Variants in VWA5B1 observed in about 807,000 individuals in gnomAD.
VWA5B1 encodes von Willebrand factor A domain containing 5B1.
VWA5B1 carries 115 observed loss-of-function variants against 118.2 expected under a neutral mutation model. That is an observed-to-expected ratio of 0.97 (90% CI 0.84 to 1.14). The LOEUF is 1.14. Among genes scored for constraint, VWA5B1 ranks in the 50% most tolerant of loss-of-function variants. VWA5B1 has a pLI of 0.00. For synonymous variants in VWA5B1, 682 were observed against 658.4 expected, an observed-to-expected ratio of 1.04 and a Z score of -0.55; for missense variants, 1,596 against 1,603.8, an observed-to-expected ratio of 1.00 and a Z score of 0.08.
rs374894558 is a variant in VWA5B1 at position 20,323,365 on chromosome 1, A to G, written c.976A>G (p.Ile326Val). Residue 326 changes from isoleucine to valine, a missense_variant, in exon 8 of 22, where the codon ATT becomes GTT. Physicochemically the swap from Ile to Val is conservative, Grantham distance 29 (BLOSUM62 3). Transcript: ENST00000289815. ...TTCTTTCCTCTTCCAGACAGAAATC[A>G]TTCGAAAACGCCTCCACAAAGACAT... ...KSRAERKTEI[I>V]RKRLHKDIPH... 1.3e-5 allele frequency: 19 copies of G among 1,481,104 alleles called. No individual in the cohort carries two copies. In the African/African-American group the frequency reaches 2.6e-4, roughly 20 times the overall value. The allele number at this position is 1,481,104 out of a possible 1,614,324, so 91.7% of individuals were successfully genotyped here.
chr1:20,297,996 A>ATTTT (rs60497976), intron 1 of VWA5B1, among the ~76,000 whole-genome samples: 9,845 of 124,484 alleles, frequency 0.079, 569 homozygotes, highest in East Asian at 0.34. Flanking sequence ...TCGGTGGTGG[A>ATTTT]TTTTTTTTTT....
chr1:20,335,081 G>A (rs2089674263), intron 12 of VWA5B1, among the ~76,000 whole-genome samples: 1 of 152,180 alleles, frequency 6.6e-6, no homozygotes, highest in Non-Finnish European at 1.5e-5. Context: ...GGCCAAGGTA[G>A]GTGCCTGGCT....
chr1:20,312,838 C>G lies in VWA5B1; in HGVS notation c.142C>G (p.Leu48Val). The G allele has an allele frequency of 1.9e-6, 3 of 1,548,694 alleles. No individual in the cohort carries two copies. The highest frequency in any genetic ancestry group is 1.4e-5 in the African/African-American group (1 of 73,124). The change falls in exon 3 of 22, where the codon CTC becomes GTC. Residue 48 changes from leucine to valine, a missense_variant and splice_region_variant. Physicochemically the swap from Leu to Val is conservative, Grantham distance 32. Transcript: ENST00000289815. ...GNLEAQPFQG[L>V]FVYPLDECTT... is the part of the protein sequence containing the mutation. ...GATGCTGGGCCCTGCTCCGACAGGC[C>G]TCTTCGTGTACCCCCTGGATGAGTG...
intron 18 of VWA5B1, chr1:20,349,264 G>A (rs1258128062): frequency 4.9e-6 from 2 of 405,746 alleles, no homozygotes; most frequent in Non-Finnish European, 1.0e-5. Flanking sequence ...CCACCCCTGA[G>A]CCAAGCTGAA....
At chr1:20,312,205 C>A (rs1235949986) in intron 2 of VWA5B1, among the ~76,000 whole-genome samples, 3 of 152,230 alleles carry the variant, frequency 2.0e-5, no homozygotes, top group Non-Finnish European at 4.4e-5. Flanking sequence ...GCTACTGAAT[C>A]TGAGTCTGCA....
At chr1:20,297,996 AT>A (rs60497976) in intron 1 of VWA5B1, among the ~76,000 whole-genome samples, 10,873 of 126,606 alleles carry the variant, frequency 0.086, 399 homozygotes, top group Middle Eastern at 0.11. Flanking sequence ...TCGGTGGTGG[AT>A]TTTTTTTTTT....
chr1:20,318,596 A>C lies in VWA5B1; in HGVS notation c.716A>C (p.Glu239Ala). Residue 239 changes from glutamate (E) to alanine (A), a missense_variant, in exon 6 of 22, where the codon GAG (glutamate) becomes GCG (alanine). Glu to Ala is a moderately radical substitution (Grantham distance 107, BLOSUM62 -1). Transcript: ENST00000289815. The stretch of plus-strand genomic sequence containing the variant: ...GCCTTTCTATGCCACTCAGGGGTGG[A>C]GAGTCCCACTCATGAGATTCGTGCC... Reference protein sequence around the residue: ...IRGPCLLAGVESPTHEIRADA... With the variant: ...IRGPCLLAGVASPTHEIRADA... The C allele has an allele frequency of 6.4e-7, 1 of 1,551,348 alleles. No individual in the cohort carries two copies. The highest frequency in any genetic ancestry group is 8.7e-7 in the Non-Finnish European group (1 of 1,146,942).
chr1:20,327,281 G>A (rs973397681), intron 8 of VWA5B1, among the ~76,000 whole-genome samples: 9 of 152,158 alleles, frequency 5.9e-5, no homozygotes, highest in South Asian at 2.1e-4. Flanking sequence ...GGATAAAAGC[G>A]TACCTGCCTC....
At chr1:20,350,362 GA>G in intron 19 of VWA5B1, 132 bp downstream of exon 19, 1 of 1,006,352 alleles carries the variant, frequency 9.9e-7, no homozygotes, top group Non-Finnish European at 1.5e-6. Context: ...TCTGCATGGG[GA>G]ATAGGATTAT....
chr1:20,322,054 AGAGACAGTCCTC>A (rs2089235076), intron 7 of VWA5B1, among the ~76,000 whole-genome samples: 1 of 152,212 alleles, frequency 6.6e-6, no homozygotes, highest in Admixed American at 6.5e-5. Flanking sequence ...GTCGAGAGAG[AGAGACAGTCCTC>A]TCCTGAACAC....
intron 9 of VWA5B1, among the ~76,000 whole-genome samples, chr1:20,329,262 CTTT>C (rs139538562): frequency 6.0e-5 from 6 of 99,738 alleles, no homozygotes; most frequent in Non-Finnish European, 1.3e-4. Flanking sequence ...GCCATTACTG[CTTT>C]TTTTTTTCTT....
chr1:20,353,295 CCT>C (rs1453155633), intron 21 of VWA5B1, among the ~76,000 whole-genome samples: 1 of 152,042 alleles, frequency 6.6e-6, no homozygotes, highest in Non-Finnish European at 1.5e-5. Context: ...GTGATCTATG[CCT>C]CTTAGAGATC....
chr1:20,316,479 TA>T (rs1479321838), intron 4 of VWA5B1, among the ~76,000 whole-genome samples: 2 of 152,256 alleles, frequency 1.3e-5, no homozygotes, highest in East Asian at 3.9e-4. Flanking sequence ...GGGAGACTCA[TA>T]ATATAAGGCA....
At chr1:20,307,815 T>A (rs2088705825) in intron 1 of VWA5B1, among the ~76,000 whole-genome samples, 1 of 152,084 alleles carries the variant, frequency 6.6e-6, no homozygotes, top group African/African-American at 2.4e-5. Flanking sequence ...ACATTCTTTT[T>A]TTTTTTTTTG....
Position 20,357,251 on chromosome 1 carries a change from G to A in VWA5B1, c.*2988G>A, listed in dbSNP as rs551822561. Among the ~76,000 whole-genome samples, 42 of 152,276 alleles carry A rather than the reference G, an allele frequency of 2.8e-4. 2 individuals are homozygous for A. Among genetic ancestry groups the A allele is most frequent in the Admixed American group, 2.5e-3 (38 of 15,298 alleles). On this transcript the variant is annotated 3_prime_UTR_variant, in exon 22 of 22. Coordinates refer to ENST00000289815, the MANE Select transcript of VWA5B1 (RefSeq NM_001039500.3). ...CTGTGTGACTTCTGGCAAATTACTT[G>A]CTTTCTCTGAACCCCTGTTTCATCT...
intron 20 of VWA5B1, 64 bp from the exon 21 acceptor site, chr1:20,351,991 C>T (rs1004635754): frequency 7.5e-7 from 1 of 1,327,014 alleles, no homozygotes; most frequent in South Asian, 1.3e-5. Flanking sequence ...CCCTGACTTT[C>T]AGGGGCTTCT....
Position 20,356,394 on chromosome 1 carries a change from G to C in VWA5B1, c.*2131G>C, listed in dbSNP as rs1054692882. 5.3e-5 allele frequency among the ~76,000 whole-genome samples: 8 copies of C among 152,166 alleles called. No individual in the cohort carries two copies. The highest frequency in any genetic ancestry group is 5.2e-4 in the Admixed American group (8 of 15,272). On this transcript the variant is annotated 3_prime_UTR_variant, in exon 22 of 22. Coordinates refer to ENST00000289815, the MANE Select transcript of VWA5B1 (RefSeq NM_001039500.3). ...GAACATGAATTTGCTTGAGTTCTCTGTGTGACCTTGAACAAGTGGCGTGTG... is the reference window on the plus strand; with the variant it reads ...GAACATGAATTTGCTTGAGTTCTCTCTGTGACCTTGAACAAGTGGCGTGTG...
intron 21 of VWA5B1, 95 bp from the exon 22 acceptor site, chr1:20,353,662 G>A (rs2090172750): frequency 4.3e-6 from 6 of 1,411,640 alleles, no homozygotes; most frequent in Non-Finnish European, 5.5e-6. Flanking sequence ...GGCAGGCAGG[G>A]TGGGGTGGGC....
In VWA5B1 at chr1:20,314,446, G is replaced by T; in HGVS notation, c.417G>T (p.Glu139Asp). The change falls in exon 4 of 22, where the codon GAG becomes GAT. Residue 139 changes from glutamate (E) to aspartate (D), a missense_variant. Glu to Asp is a conservative substitution (Grantham distance 45). Transcript: ENST00000289815. ...VANLGTIAPM[E>D]NVTIFISTSS... ...ACCTGGGGACCATTGCCCCCATGGA[G>T]AATGTCACCATCTTCATCAGCACCT... 6.4e-7 allele frequency: 1 copy of T among 1,551,882 alleles called. No homozygotes were observed. The highest frequency in any genetic ancestry group is 8.7e-7 in the Non-Finnish European group (1 of 1,147,038).
Sources: gnomAD v4.1 joint callset for allele counts (sites outside exome capture counted in the v4.1 genomes callset) on GRCh38, gnomAD v4.1.1 for gene constraint, MANE v1.5 for transcripts, NCBI Gene and HGNC (gene_info 2026-07-23, HGNC 2026-07-21) for gene names.